The following ADCY2 variants were observed in gnomAD, a reference collection of about 807,000 sequenced individuals.
ADCY2 encodes the protein adenylate cyclase type 2.
A neutral mutation model predicts 125.2 loss-of-function variants in ADCY2; 31 were observed. The ratio of observed to expected loss-of-function variants is 0.25; its 90% confidence interval spans 0.19 to 0.33. ADCY2 has a LOEUF of 0.33. ADCY2 is among the 10% of genes least tolerant of loss of function. The pLI is 1.00. For synonymous variants in ADCY2, 512 were observed against 548.4 expected, an observed-to-expected ratio of 0.93 and a Z score of 0.93; for missense variants, 904 against 1,418.2, an observed-to-expected ratio of 0.64 and a Z score of 5.82.
At chr5:7,492,170 T>C (rs956369522) in intron 2 of ADCY2, among the ~76,000 whole-genome samples, 3 of 152,158 alleles carry the variant, frequency 2.0e-5, no homozygotes, top group South Asian at 4.1e-4. Flanking sequence ...AAAGGGACCA[T>C]CACAAGGATG....
chr5:7,761,270 C>T (rs375847813), intron 16 of ADCY2, among the ~76,000 whole-genome samples: 448 of 150,386 alleles, frequency 3.0e-3, no homozygotes, highest in African/African-American at 0.01. Flanking sequence ...CTGCCTCAGC[C>T]CCCTGAGTAG....
intron 24 of ADCY2, among the ~76,000 whole-genome samples, chr5:7,824,526 G>C (rs1431039762): frequency 6.6e-6 from 1 of 152,200 alleles, no homozygotes; most frequent in Non-Finnish European, 1.5e-5. Context: ...GCAAACCTGA[G>C]TTTCATTGGT....
At chr5:7,466,394 CTTAT>C (rs1366940543) in intron 2 of ADCY2, among the ~76,000 whole-genome samples, 2 of 152,298 alleles carry the variant, frequency 1.3e-5, no homozygotes, top group African/African-American at 4.8e-5. Context: ...TACACATTAA[CTTAT>C]TTATTCATTT....
At chr5:7,673,257 A>ATATATATATATATATATATAT (rs1284363963) in intron 4 of ADCY2, among the ~76,000 whole-genome samples, 4 of 11,976 alleles carry the variant, frequency 3.3e-4, no homozygotes, top group Non-Finnish European at 5.2e-4. Flanking sequence ...AAAAAAAAAA[A>ATATATATATATATATATATAT]AAAAAAAAAA....
chr5:7,752,059 A>C (rs1742843754), intron 15 of ADCY2, among the ~76,000 whole-genome samples: 1 of 152,238 alleles, frequency 6.6e-6, no homozygotes, highest in Admixed American at 6.5e-5. Flanking sequence ...AGAGACAAGC[A>C]TGTCAGCAAA....
chr5:7,588,697 T>G (rs1736710599), intron 3 of ADCY2, among the ~76,000 whole-genome samples: 1 of 152,258 alleles, frequency 6.6e-6, no homozygotes, highest in Admixed American at 6.5e-5. Context: ...CACTGAAATT[T>G]GAAATTTATG....
At chr5:7,695,317 T>C (rs533640821) in intron 5 of ADCY2, among the ~76,000 whole-genome samples, 16 of 152,318 alleles carry the variant, frequency 1.1e-4, no homozygotes, top group African/African-American at 3.8e-4. Context: ...TAGCCCTTTT[T>C]ATGATTTGTA....
intron 3 of ADCY2, among the ~76,000 whole-genome samples, chr5:7,597,977 C>A (rs1334258997): frequency 1.3e-5 from 2 of 152,160 alleles, no homozygotes; most frequent in African/African-American, 4.8e-5. Flanking sequence ...GCAATCCAGC[C>A]CCCAGCCAGG....
chr5:7,742,701 A>C (rs1742473323), intron 14 of ADCY2, among the ~76,000 whole-genome samples: 1 of 152,214 alleles, frequency 6.6e-6, no homozygotes, highest in Non-Finnish European at 1.5e-5. Flanking sequence ...TGGGACTCAC[A>C]GGAGTGCACC....
At chr5:7,403,356 T>G (rs951750883) in intron 1 of ADCY2, among the ~76,000 whole-genome samples, 1 of 152,204 alleles carries the variant, frequency 6.6e-6, no homozygotes, top group African/African-American at 2.4e-5. Context: ...GTTAGCATAG[T>G]TCAGACATAT....
At chr5:7,418,904 TG>T (rs1429882110) in intron 2 of ADCY2, among the ~76,000 whole-genome samples, 1 of 152,076 alleles carries the variant, frequency 6.6e-6, no homozygotes, top group Non-Finnish European at 1.5e-5. Flanking sequence ...CTGCCTGCCT[TG>T]GCCTCCCAAA....
intron 2 of ADCY2, among the ~76,000 whole-genome samples, chr5:7,517,195 T>C (rs1028066100): frequency 6.6e-6 from 1 of 152,186 alleles, no homozygotes; most frequent in African/African-American, 2.4e-5. Flanking sequence ...GAATGAGTGC[T>C]GTTGCCTCAG....
At chr5:7,448,838 T>C (rs1031031106) in intron 2 of ADCY2, among the ~76,000 whole-genome samples, 5 of 152,234 alleles carry the variant, frequency 3.3e-5, no homozygotes, top group African/African-American at 1.2e-4. Context: ...TAGTATTCCA[T>C]GGTGTATATG....
chr5:7,825,145 TAACGCTGCTGTGTGCCACGAC>T (rs796324166), intron 24 of ADCY2, among the ~76,000 whole-genome samples: 14 of 147,346 alleles, frequency 9.5e-5, no homozygotes, highest in Middle Eastern at 3.4e-3. Flanking sequence ...TGTCCCATAA[TAACGCTGCTGTGTGCCACGAC>T]AACGCTGCTG....
chr5:7,550,701 C>T (rs1286601433), intron 3 of ADCY2, among the ~76,000 whole-genome samples: 1 of 152,134 alleles, frequency 6.6e-6, no homozygotes, highest in Non-Finnish European at 1.5e-5. Context: ...CTGCATTACA[C>T]CTTGGTGGGC....
intron 3 of ADCY2, among the ~76,000 whole-genome samples, chr5:7,599,789 T>C (rs1737136251): frequency 6.6e-6 from 1 of 151,942 alleles, no homozygotes; most frequent in Non-Finnish European, 1.5e-5. Flanking sequence ...CAAAGTGCAG[T>C]ATGGAAAGAG....
intron 14 of ADCY2, among the ~76,000 whole-genome samples, chr5:7,732,370 G>A (rs961846634): frequency 6.6e-6 from 1 of 152,154 alleles, no homozygotes; most frequent in Non-Finnish European, 1.5e-5. Context: ...CTTTATTCAA[G>A]AGTTCAGTTC....
At chr5:7,590,497 A>G (rs141632200) in intron 3 of ADCY2, among the ~76,000 whole-genome samples, 212 of 152,274 alleles carry the variant, frequency 1.4e-3, no homozygotes, top group African/African-American at 4.6e-3. Flanking sequence ...ATCCAAAACC[A>G]TATTTAAATA....
chr5:7,433,296 T>G (rs1740673776), intron 2 of ADCY2, among the ~76,000 whole-genome samples: 1 of 152,212 alleles, frequency 6.6e-6, no homozygotes. Flanking sequence ...GAGGAGACGA[T>G]TCCTTGGGCA....
Sources: allele counts gnomAD v4.1 joint callset (sites outside exome capture counted in the v4.1 genomes callset), GRCh38; gene constraint gnomAD v4.1.1; transcripts MANE v1.5; gene names NCBI Gene and HGNC (gene_info 2026-07-23, HGNC 2026-07-21).